HNF4G: variants seen among roughly 807,000 people sequenced by gnomAD.
HNF4G encodes the protein hepatocyte nuclear factor 4-gamma.
A neutral mutation model predicts 50.9 loss-of-function variants in HNF4G; 21 were observed. The ratio of observed to expected loss-of-function variants is 0.41; its 90% CI spans 0.29 to 0.59. The LOEUF is 0.59. Among genes scored for constraint, HNF4G ranks in the 20% least tolerant of loss-of-function variants. The probability of loss-of-function intolerance (pLI) is 0.26; values close to 1 mark genes in which losing one functional copy is unlikely to be tolerated. For synonymous variants in HNF4G, 198 were observed against 185.6 expected (o/e 1.07, Z -0.54); for missense variants, 527 against 559.4 (o/e 0.94, Z 0.58).
intron 2 of HNF4G, among the ~76,000 whole-genome samples, chr8:75,520,460 C>T (rs1156444931): frequency 6.6e-6 from 1 of 151,588 alleles, no homozygotes; most frequent in Non-Finnish European, 1.5e-5. Context: ...TTCTTTGAGA[C>T]AGGGTCTTAC....
At chr8:75,546,731 C>T (rs188795689) in intron 2 of HNF4G, among the ~76,000 whole-genome samples, 5 of 152,208 alleles carry the variant, frequency 3.3e-5, no homozygotes, top group Non-Finnish European at 7.4e-5. Flanking sequence ...TAATAAAATT[C>T]CACTGTGCAG....
At chr8:75,509,622 A>G (rs556933687) in intron 2 of HNF4G, among the ~76,000 whole-genome samples, 1 of 152,338 alleles carries the variant, frequency 6.6e-6, no homozygotes, top group South Asian at 2.1e-4. Flanking sequence ...TGTTCTGGAC[A>G]ACAAAACACA....
intron 2 of HNF4G, among the ~76,000 whole-genome samples, chr8:75,500,716 T>C (rs1812904246): frequency 1.3e-5 from 2 of 152,154 alleles, no homozygotes; most frequent in African/African-American, 4.8e-5. Context: ...TATTACAACA[T>C]GGATTAGCCT....
At chr8:75,547,461 A>AT in intron 2 of HNF4G, 126 bp from the exon 3 acceptor site, 1 of 666,268 alleles carries the variant, frequency 1.5e-6, no homozygotes, top group Non-Finnish European at 2.6e-6. Flanking sequence ...GTCATAGCTG[A>AT]TTGTTCCTAT....
intron 1 of HNF4G, among the ~76,000 whole-genome samples, chr8:75,421,579 C>A (rs927822080): frequency 6.6e-6 from 1 of 152,324 alleles, no homozygotes; most frequent in Non-Finnish European, 1.5e-5. Context: ...GTTGACAGTG[C>A]TGCTAGAGTT....
At chr8:75,521,626 A>C (rs929117901) in intron 2 of HNF4G, among the ~76,000 whole-genome samples, 58 of 152,304 alleles carry the variant, frequency 3.8e-4, no homozygotes, top group African/African-American at 1.1e-3. Flanking sequence ...CTATGATCCG[A>C]GATAAATGTG....
intron 1 of HNF4G, among the ~76,000 whole-genome samples, chr8:75,463,688 C>G (rs1811904571): frequency 6.6e-6 from 1 of 151,360 alleles, no homozygotes; most frequent in Non-Finnish European, 1.5e-5. Context: ...TCTTCAGCAG[C>G]TTAACTTTGG....
upstream of HNF4G, among the ~76,000 whole-genome samples, chr8:75,537,773 G>A (rs980835401): frequency 3.3e-5 from 5 of 152,026 alleles, no homozygotes; most frequent in Non-Finnish European, 7.4e-5. Context: ...AAAAAATTTA[G>A]TAAAGAACCC....
intron 9 of HNF4G, among the ~76,000 whole-genome samples, chr8:75,562,136 AT>A (rs11365236): frequency 0.64 from 95,935 of 150,762 alleles, 31,911 homozygotes; most frequent in African/African-American, 0.84. Flanking sequence ...TAGCTACAGC[AT>A]TTTTTTTTTC....
intron 9 of HNF4G, among the ~76,000 whole-genome samples, chr8:75,561,503 C>T (rs902370361): frequency 7.2e-5 from 11 of 152,246 alleles, no homozygotes; most frequent in Middle Eastern, 3.4e-3. Context: ...ACACAGCCAC[C>T]GTATGCAGTT....
intron 2 of HNF4G, among the ~76,000 whole-genome samples, chr8:75,527,492 T>C (rs905927044): frequency 6.6e-6 from 1 of 152,160 alleles, no homozygotes; most frequent in Non-Finnish European, 1.5e-5. Flanking sequence ...AAAAAATGAT[T>C]ACCATGGATA....
intron 2 of HNF4G, 24 bp downstream of exon 2, chr8:75,544,003 A>C: frequency 1.3e-6 from 2 of 1,548,746 alleles, no homozygotes; most frequent in African/African-American, 2.8e-5. Flanking sequence ...CCTTTTAGGC[A>C]AGTTATCTTT....
chr8:75,550,443 G>T (rs1806915235), intron 3 of HNF4G, among the ~76,000 whole-genome samples: 1 of 152,018 alleles, frequency 6.6e-6, no homozygotes, highest in African/African-American at 2.4e-5. Context: ...CTCCCAAGTA[G>T]CTGGGACTAC....
At chr8:75,549,757 C>A (rs1296634189) in intron 3 of HNF4G, among the ~76,000 whole-genome samples, 4 of 151,974 alleles carry the variant, frequency 2.6e-5, no homozygotes, top group Admixed American at 2.0e-4. Context: ...TATCCCTCCC[C>A]TCTCCCCCTA....
At chr8:75,466,876 G>A (rs186262621) in intron 1 of HNF4G, among the ~76,000 whole-genome samples, 2 of 151,800 alleles carry the variant, frequency 1.3e-5, no homozygotes, top group South Asian at 2.1e-4. Flanking sequence ...TAGAGATGGG[G>A]TTTTGCCACG....
chr8:75,514,905 A>G (rs1231561642), intron 2 of HNF4G, among the ~76,000 whole-genome samples: 1 of 152,026 alleles, frequency 6.6e-6, no homozygotes, highest in Non-Finnish European at 1.5e-5. Flanking sequence ...TCTGTTATAA[A>G]CATTATTTTA....
rs745637931 is a variant in HNF4G at position 75,564,101 on chromosome 8, G to C, written c.*5G>C. The C allele has an allele frequency of 1.2e-6, 2 of 1,612,982 alleles. No homozygotes were observed. Among genetic ancestry groups the C allele is most frequent in the African/African-American group, 2.7e-5 (2 of 74,882 alleles). Reference sequence around the variant, plus strand: ...TCCAAACAAAAGCAATTGTGAAAATGTGTTTACTTCAGAACGGCACTACAT... The same window carrying C: ...TCCAAACAAAAGCAATTGTGAAAATCTGTTTACTTCAGAACGGCACTACAT... On this transcript the variant is annotated 3_prime_UTR_variant, in exon 10 of 10. Coordinates refer to ENST00000396423, the MANE Select transcript of HNF4G (RefSeq NM_004133.5).
rs1811098721 is a variant in HNF4G at position 75,434,814 on chromosome 8, T to C, written c.-144+26652T>C. ...TTTATACCTGTACACTTAAAACATTTAAAATAGTAGTTGTATCCACAAAAA... is the reference window on the plus strand; with the variant it reads ...TTTATACCTGTACACTTAAAACATTCAAAATAGTAGTTGTATCCACAAAAA... On this transcript the variant is annotated intron_variant, in intron 1 of 10. Transcript: ENST00000354370. Among the ~76,000 whole-genome samples the C allele has an allele frequency of 2.6e-5, 4 of 152,108 alleles. No homozygotes were observed. In the South Asian group the frequency reaches 8.3e-4, roughly 31 times the overall value.
rs142844346 is a variant in HNF4G at position 75,564,117 on chromosome 8, G to C, written c.*21G>C. ...TGTGAAAATGTGTTTACTTCAGAAC[G>C]GCACTACATAAATGTGAAAAGTTGT... On this transcript the variant is annotated 3_prime_UTR_variant, in exon 10 of 10. Transcript: ENST00000396423. 1 of 1,611,134 alleles carries C rather than the reference G, an allele frequency of 6.2e-7. No individual in the cohort carries two copies. The highest frequency in any genetic ancestry group is 8.5e-7 in the Non-Finnish European group (1 of 1,178,452).
Sources: gnomAD v4.1 joint callset for allele counts (sites outside exome capture counted in the v4.1 genomes callset) on GRCh38, gnomAD v4.1.1 for gene constraint, MANE v1.5 for transcripts, NCBI Gene and HGNC (gene_info 2026-07-23, HGNC 2026-07-21) for gene names.